XKR4: variants seen among roughly 807,000 people sequenced by gnomAD.
The protein encoded by XKR4 is XK related 4, also known as XK-related protein 4.
In XKR4, 12 loss-of-function variants were observed where a neutral mutation model predicts 53.9. The ratio of observed to expected loss-of-function variants is 0.22; its 90% confidence interval spans 0.14 to 0.36. The LOEUF (loss-of-function observed/expected upper bound fraction) is 0.36, where lower values mean the gene tolerates loss of function less well. Among genes scored for constraint, XKR4 ranks in the 10% least tolerant of loss-of-function variants. XKR4 has a pLI of 1.00. For synonymous variants in XKR4, 354 were observed against 362.4 expected, an observed-to-expected ratio of 0.98 and a Z score of 0.26; for missense variants, 799 against 859.5, an observed-to-expected ratio of 0.93 and a Z score of 0.88.
At chr8:55,402,999 G>C (rs748613406) in intron 2 of XKR4, among the ~76,000 whole-genome samples, 10 of 152,136 alleles carry the variant, frequency 6.6e-5, no homozygotes, top group Non-Finnish European at 1.5e-4. Flanking sequence ...GCAGGCTGGG[G>C]TTTGGTTCCC....
At chr8:55,219,009 G>GTT (rs1404557190) in intron 1 of XKR4, among the ~76,000 whole-genome samples, 1 of 86,544 alleles carries the variant, frequency 1.2e-5, no homozygotes, top group Non-Finnish European at 2.9e-5. Context: ...TCTAGAAGCA[G>GTT]TCTTTTTTTT....
At chr8:55,212,854 A>G (rs559377881) in intron 1 of XKR4, among the ~76,000 whole-genome samples, 1 of 152,378 alleles carries the variant, frequency 6.6e-6, no homozygotes, top group South Asian at 2.1e-4. Flanking sequence ...TTTTTGTAAC[A>G]GAATAGCTAT....
At chr8:55,376,975 CAG>C (rs1195826378) in intron 2 of XKR4, among the ~76,000 whole-genome samples, 24 of 151,318 alleles carry the variant, frequency 1.6e-4, no homozygotes, top group South Asian at 4.2e-4. Flanking sequence ...CACACACACA[CAG>C]AGAGAGAGAG....
intron 1 of XKR4, among the ~76,000 whole-genome samples, chr8:55,270,238 G>A (rs925427597): frequency 6.6e-6 from 1 of 152,156 alleles, no homozygotes; most frequent in African/African-American, 2.4e-5. Context: ...AGTCCACCTT[G>A]CTTCTCTGCA....
At chr8:55,482,380 A>C (rs893064544) in intron 2 of XKR4, among the ~76,000 whole-genome samples, 1 of 151,962 alleles carries the variant, frequency 6.6e-6, no homozygotes, top group Non-Finnish European at 1.5e-5. Flanking sequence ...GGAACATCAC[A>C]CTCTGGGGAC....
intron 2 of XKR4, among the ~76,000 whole-genome samples, chr8:55,503,486 A>C (rs1489105664): frequency 6.6e-6 from 1 of 152,108 alleles, no homozygotes; most frequent in Non-Finnish European, 1.5e-5. Flanking sequence ...TGTTTCCATT[A>C]CATGTATTGC....
chr8:55,212,867 A>C (rs112768713), intron 1 of XKR4, among the ~76,000 whole-genome samples: 194 of 152,222 alleles, frequency 1.3e-3, no homozygotes, highest in African/African-American at 4.6e-3. Flanking sequence ...ATAGCTATAC[A>C]TTAAAGAGTA....
chr8:55,460,994 G>T (rs1218005289), intron 2 of XKR4, among the ~76,000 whole-genome samples: 1 of 152,238 alleles, frequency 6.6e-6, no homozygotes, highest in Non-Finnish European at 1.5e-5. Context: ...AGCTTGAACT[G>T]GGTGAGCCCA....
chr8:55,297,753 A>G (rs936196273), intron 1 of XKR4, among the ~76,000 whole-genome samples: 9 of 152,234 alleles, frequency 5.9e-5, no homozygotes, highest in Non-Finnish European at 1.0e-4. Context: ...GGCTCTCTCT[A>G]AAGGTACTTT....
chr8:55,121,080 G>C (rs572021834), intron 1 of XKR4, among the ~76,000 whole-genome samples: 41 of 152,238 alleles, frequency 2.7e-4, no homozygotes, highest in African/African-American at 9.9e-4. Flanking sequence ...ATATTCTGTT[G>C]TCTGGATGTA....
chr8:55,420,855 CAGAT>C (rs1804918102), intron 2 of XKR4, among the ~76,000 whole-genome samples: 1 of 147,094 alleles, frequency 6.8e-6, no homozygotes, highest in African/African-American at 2.7e-5. Context: ...TGTTGTTGCT[CAGAT>C]AGTATGATAA....
At chr8:55,385,239 A>G (rs1334158924) in intron 2 of XKR4, among the ~76,000 whole-genome samples, 1 of 152,018 alleles carries the variant, frequency 6.6e-6, no homozygotes, top group African/African-American at 2.4e-5. Context: ...TTGTTTTCCC[A>G]TCACACCCCA....
chr8:55,394,935 G>A (rs1213359946), intron 2 of XKR4, among the ~76,000 whole-genome samples: 1 of 152,218 alleles, frequency 6.6e-6, no homozygotes, highest in East Asian at 1.9e-4. Flanking sequence ...AATCAGCTAG[G>A]CTTTCCAGCA....
At chr8:55,131,598 C>T (rs1288396047) in intron 1 of XKR4, among the ~76,000 whole-genome samples, 1 of 152,182 alleles carries the variant, frequency 6.6e-6, no homozygotes, top group African/African-American at 2.4e-5. Context: ...GCATTAGCAT[C>T]CCCTGAACTG....
intron 2 of XKR4, among the ~76,000 whole-genome samples, chr8:55,481,289 A>G (rs1389119034): frequency 6.6e-6 from 1 of 152,184 alleles, no homozygotes; most frequent in Non-Finnish European, 1.5e-5. Context: ...AAAACAAGCA[A>G]TGGGGAAAGG....
chr8:55,468,276 G>A (rs903857626), intron 2 of XKR4, among the ~76,000 whole-genome samples: 1 of 152,188 alleles, frequency 6.6e-6, no homozygotes, highest in East Asian at 1.9e-4. Context: ...CATTCTGTTA[G>A]CTTTCAGGAC....
chr8:55,442,251 A>T (rs1805280779), intron 2 of XKR4, among the ~76,000 whole-genome samples: 1 of 152,220 alleles, frequency 6.6e-6, no homozygotes. Flanking sequence ...AAAAATACGT[A>T]TTATAAAAGC....
intron 2 of XKR4, among the ~76,000 whole-genome samples, chr8:55,499,971 A>C (rs1218975464): frequency 1.3e-5 from 2 of 152,172 alleles, no homozygotes; most frequent in Non-Finnish European, 2.9e-5. Flanking sequence ...AAAGAAAATA[A>C]TAGCCAGTGT....
intron 2 of XKR4, among the ~76,000 whole-genome samples, chr8:55,378,986 T>A (rs1178584421): frequency 1.3e-5 from 2 of 152,204 alleles, no homozygotes; most frequent in East Asian, 3.8e-4. Context: ...ACAGTCACCA[T>A]CCAGTCATCC....
Sources: allele counts gnomAD v4.1 joint callset (sites outside exome capture counted in the v4.1 genomes callset), GRCh38; gene constraint gnomAD v4.1.1; transcripts MANE v1.5; gene names NCBI Gene and HGNC (gene_info 2026-07-23, HGNC 2026-07-21).